The following MDGA2 variants were observed in gnomAD, a reference collection of about 807,000 sequenced individuals.
MDGA2 encodes the protein MAM domain containing glycosylphosphatidylinositol anchor 2.
Under a neutral mutation model 117.8 loss-of-function variants are expected in MDGA2, and 40 were observed. That is an observed-to-expected ratio of 0.34 (90% CI 0.26 to 0.44). The LOEUF is 0.44. Ranked by LOEUF, MDGA2 falls within the 20% of genes least tolerant of loss-of-function variation. MDGA2 has a pLI of 1.00. For missense variants in MDGA2, 1,123 were observed against 1,250.6 expected, an observed-to-expected ratio of 0.90 and a Z score of 1.54; for synonymous variants, 452 against 439.0, an observed-to-expected ratio of 1.03 and a Z score of -0.37.
At chr14:47,291,555 A>G (rs1220504589) in intron 2 of MDGA2, among the ~76,000 whole-genome samples, 6 of 152,210 alleles carry the variant, frequency 3.9e-5, no homozygotes, top group Non-Finnish European at 5.9e-5. Context: ...GTCATAGTGT[A>G]GCCTAGCCTA....
intron 2 of MDGA2, among the ~76,000 whole-genome samples, chr14:47,264,213 C>T (rs1241998996): frequency 1.3e-5 from 2 of 152,128 alleles, no homozygotes; most frequent in African/African-American, 4.8e-5. Context: ...TCACATACTA[C>T]TGAAAATTTC....
chr14:47,531,552 T>G (rs58797772), intron 1 of MDGA2, among the ~76,000 whole-genome samples: 113,501 of 151,662 alleles, frequency 0.75, 42,884 homozygotes, highest in East Asian at 1. Context: ...CTTGTAAACC[T>G]TGGATAATAA....
chr14:47,301,418 C>T lies in MDGA2; in HGVS notation c.413G>A (p.Arg138His), dbSNP rs762291569. 5 of 1,551,620 alleles carry T rather than the reference C, an allele frequency of 3.2e-6. No homozygotes were observed. The highest frequency in any genetic ancestry group is 2.0e-5 in the Admixed American group (1 of 50,976). ...ELTCLVTGHP[R>H]PQIRWTKTAG... ...TCACAGTTCGGGACTCACCTGTGGA[C>T]GTGGATGTCCTGTGACTAGACAAGT... The change falls in exon 2 of 17, where the codon CGT becomes CAT. Residue 138 changes from arginine to histidine, a missense_variant. Coordinates refer to ENST00000399232, the MANE Select transcript of MDGA2 (RefSeq NM_001113498.3).
rs529623322 is a variant in MDGA2 at position 46,982,940 on chromosome 14, G to C, written c.1820-25297C>G. On this transcript the variant is annotated intron_variant, in intron 8 of 16. Transcript: ENST00000399232. Reference sequence around the variant, plus strand: ...CCCATTCAGTATGATATTGGCTGTGGGTTTGTTGTAGATAGCTCTTATTAT... The same window carrying C: ...CCCATTCAGTATGATATTGGCTGTGCGTTTGTTGTAGATAGCTCTTATTAT... Among the ~76,000 whole-genome samples the C allele has an allele frequency of 3.3e-5, 5 of 151,940 alleles. No individual in the cohort carries two copies. In the South Asian group the frequency reaches 1.0e-3, roughly 32 times the overall value.
chr14:46,911,009 G>A (rs889525805), intron 10 of MDGA2, among the ~76,000 whole-genome samples: 2 of 152,248 alleles, frequency 1.3e-5, no homozygotes, highest in East Asian at 3.9e-4. Context: ...TGGAGGTTGG[G>A]CGGAGGAAGA....
chr14:47,174,342 T>C (rs1163176368), intron 3 of MDGA2, among the ~76,000 whole-genome samples: 6 of 152,054 alleles, frequency 3.9e-5, no homozygotes, highest in Non-Finnish European at 8.8e-5. Context: ...CAACAGAATA[T>C]ACATTTTTTT....
intron 1 of MDGA2, among the ~76,000 whole-genome samples, chr14:47,447,889 T>G (rs1379275845): frequency 6.6e-6 from 1 of 152,160 alleles, no homozygotes; most frequent in African/African-American, 2.4e-5. Context: ...GGAGGATATG[T>G]GGTAAAATAA....
intron 6 of MDGA2, among the ~76,000 whole-genome samples, chr14:47,072,114 G>GT (rs34939377): frequency 1.0e-5 from 1 of 97,238 alleles, no homozygotes; most frequent in Non-Finnish European, 2.2e-5. Context: ...GGGGGGGGGG[G>GT]TTTGCAGGTA....
At chr14:47,251,480 T>TA (rs5808384) in intron 2 of MDGA2, among the ~76,000 whole-genome samples, 41,465 of 152,018 alleles carry the variant, frequency 0.27, 6,496 homozygotes, top group Admixed American at 0.46. Context: ...ATAATTTTTT[T>TA]AAAAAAACAC....
At chr14:47,442,292 T>C (rs934011347) in intron 1 of MDGA2, among the ~76,000 whole-genome samples, 2 of 152,154 alleles carry the variant, frequency 1.3e-5, no homozygotes, top group African/African-American at 4.8e-5. Context: ...ACAGACCTAA[T>C]GGTGAATAAA....
chr14:47,238,053 GA>G (rs1289636599), intron 2 of MDGA2, among the ~76,000 whole-genome samples: 1 of 152,036 alleles, frequency 6.6e-6, no homozygotes, highest in East Asian at 1.9e-4. Flanking sequence ...CTACCTTCCT[GA>G]AAGACACCAA....
chr14:47,290,810 A>G (rs1031577275), intron 2 of MDGA2, among the ~76,000 whole-genome samples: 2 of 151,900 alleles, frequency 1.3e-5, no homozygotes, highest in African/African-American at 4.8e-5. Context: ...AAAAAAACAC[A>G]ATATAAGAAA....
chr14:47,658,282 T>A (rs1043084164), intron 1 of MDGA2, among the ~76,000 whole-genome samples: 1 of 152,126 alleles, frequency 6.6e-6, no homozygotes, highest in African/African-American at 2.4e-5. Context: ...ACTTTAAGTA[T>A]GTGTTGATGC....
At chr14:47,252,830 G>T (rs1012595851) in intron 2 of MDGA2, among the ~76,000 whole-genome samples, 5 of 152,166 alleles carry the variant, frequency 3.3e-5, no homozygotes, top group African/African-American at 1.2e-4. Context: ...CTACTATAAA[G>T]AATTACCTGA....
At chr14:47,448,058 A>G (rs1893161826) in intron 1 of MDGA2, among the ~76,000 whole-genome samples, 1 of 152,038 alleles carries the variant, frequency 6.6e-6, no homozygotes, top group Admixed American at 6.6e-5. Flanking sequence ...TATTCTAGTG[A>G]GATGGGTCTT....
intron 1 of MDGA2, among the ~76,000 whole-genome samples, chr14:47,494,646 T>C (rs1894240950): frequency 6.6e-6 from 1 of 152,092 alleles, no homozygotes; most frequent in South Asian, 2.1e-4. Flanking sequence ...CTAGAATTTT[T>C]ATAGTTTCAG....
At chr14:47,465,998 A>G (rs1286349627) in intron 1 of MDGA2, among the ~76,000 whole-genome samples, 1 of 152,202 alleles carries the variant, frequency 6.6e-6, no homozygotes, top group African/African-American at 2.4e-5. Context: ...ATAAAAAAGA[A>G]CAAGATCATG....
intron 7 of MDGA2, chr14:47,059,316 G>A: frequency 1.6e-6 from 2 of 1,272,460 alleles, no homozygotes; most frequent in Non-Finnish European, 2.1e-6. Context: ...TAGTTAAGTG[G>A]GTACTTTCCA....
At chr14:47,020,496 A>G (rs1888248784) in intron 8 of MDGA2, among the ~76,000 whole-genome samples, 1 of 152,210 alleles carries the variant, frequency 6.6e-6, no homozygotes, top group Admixed American at 6.5e-5. Flanking sequence ...GATATGTTCC[A>G]TCTTCACTCA....
Sources: allele counts gnomAD v4.1 joint callset (sites outside exome capture counted in the v4.1 genomes callset), GRCh38; gene constraint gnomAD v4.1.1; transcripts MANE v1.5; gene names NCBI Gene and HGNC (gene_info 2026-07-23, HGNC 2026-07-21).